Variants in ANKRD28 observed in about 807,000 individuals in gnomAD.
The protein encoded by ANKRD28 is serine/threonine-protein phosphatase 6 regulatory ankyrin repeat subunit A.
A neutral mutation model predicts 126.5 loss-of-function variants in ANKRD28; 44 were observed. That is an observed-to-expected ratio of 0.35 (90% CI 0.27 to 0.45). ANKRD28 has a LOEUF of 0.45. ANKRD28 is among the 20% of genes least tolerant of loss of function. ANKRD28 has a pLI of 1.00. For synonymous variants in ANKRD28, 442 were observed against 468.5 expected (o/e 0.94, Z 0.73); for missense variants, 1,110 against 1,316.6 (o/e 0.84, Z 2.43).
chr3:15,850,224 T>TATATATATATATATATATAAAG (rs1418223588), intron 1 of ANKRD28, among the ~76,000 whole-genome samples: 1 of 35,112 alleles, frequency 2.8e-5, no homozygotes, highest in Non-Finnish European at 6.0e-5. Flanking sequence ...TATATATATA[T>TATATATATATATATATATAAAG]AGAGAGAGAG....
upstream of ANKRD28, among the ~76,000 whole-genome samples, chr3:15,800,762 G>A (rs1346056877): frequency 1.3e-5 from 2 of 152,008 alleles, no homozygotes; most frequent in East Asian, 3.9e-4. Context: ...ACAGTTTAGG[G>A]ACTGTAAAAT....
chr3:15,741,861 C>T (rs1473509636), intron 4 of ANKRD28, among the ~76,000 whole-genome samples: 8 of 151,932 alleles, frequency 5.3e-5, no homozygotes, highest in Admixed American at 1.3e-4. Context: ...CTCAGCCTGC[C>T]GAGTGCCTGC....
At chr3:15,801,141 T>C (rs1307031213), upstream of ANKRD28, among the ~76,000 whole-genome samples, 6 of 152,144 alleles carry the variant, frequency 3.9e-5, no homozygotes, top group East Asian at 1.2e-3. This position sits in a 1 kb window ranked among gnomAD's most constrained non-coding sequence, Gnocchi z 4.9. Context: ...AGCTAACAAG[T>C]TCAACTCTGA....
Position 15,796,793 on chromosome 3 carries a change from CAAT to C in ANKRD28, c.-275_-273del. The C allele has an allele frequency of 2.0e-6, 2 of 991,420 alleles. No homozygotes were observed. The highest frequency in any genetic ancestry group is 2.4e-6 in the Non-Finnish European group (2 of 833,292). 61.4% of individuals were successfully genotyped at this position (991,420 alleles called of 1,614,324 possible). On this transcript the variant is annotated 5_prime_UTR_variant, in exon 1 of 28. Transcript: ENST00000683139. ...AAGAAGAAATTTCACACCAACATGT[CAAT>C]AACTAAAACTGAGTCCAAGCTCATT...
intron 8 of ANKRD28, among the ~76,000 whole-genome samples, chr3:15,720,300 A>C (rs927376274): frequency 6.6e-6 from 1 of 152,176 alleles, no homozygotes; most frequent in Non-Finnish European, 1.5e-5. Context: ...ATTTGAAAAG[A>C]TCTGTAGAGT....
chr3:15,841,113 T>G (rs1217368861), intron 1 of ANKRD28, among the ~76,000 whole-genome samples: 1 of 152,062 alleles, frequency 6.6e-6, no homozygotes. Flanking sequence ...CACTCCAGCC[T>G]AGGCAACAGA....
intron 1 of ANKRD28, among the ~76,000 whole-genome samples, chr3:15,841,630 A>G (rs889334322): frequency 2.6e-5 from 4 of 152,242 alleles, no homozygotes; most frequent in Non-Finnish European, 5.9e-5. Flanking sequence ...AAAGATCTGA[A>G]TAGGCATTTC....
At chr3:15,792,969 C>G (rs2060104390) in intron 2 of ANKRD28, among the ~76,000 whole-genome samples, 1 of 152,034 alleles carries the variant, frequency 6.6e-6, no homozygotes, top group Admixed American at 6.5e-5. Context: ...AGAAACTCAT[C>G]TAAAATTATA....
At chr3:15,827,320 C>T (rs943100855) in intron 1 of ANKRD28, among the ~76,000 whole-genome samples, 1 of 152,066 alleles carries the variant, frequency 6.6e-6, no homozygotes, top group African/African-American at 2.4e-5. Flanking sequence ...TGCACTCACA[C>T]TTTCATTACA....
rs543632257 is a variant in ANKRD28, at chr3:15,735,608, T to C, written c.553-111A>G. On this transcript the variant is annotated intron_variant, in intron 5 of 27. Transcript: ENST00000683139. ...CTTCTCTGGCACTAAATTTCTGCAG[T>C]TGCTGAACAGAAGGAGCTAGACTAA... 10 of 752,638 alleles carry C rather than the reference T, an allele frequency of 1.3e-5. No individual in the cohort carries two copies. In the South Asian group the frequency reaches 1.4e-4, roughly 11 times the overall value. The allele number at this position is 752,638 out of a possible 1,614,324, so 46.6% of individuals were successfully genotyped here. A position where few individuals can be genotyped will look rare whatever the true frequency, so the allele number is the denominator to read the frequency against.
At chr3:15,689,912 AAAG>A in intron 18 of ANKRD28, 104 bp downstream of exon 18, 1 of 1,095,742 alleles carries the variant, frequency 9.1e-7, no homozygotes, top group Non-Finnish European at 1.3e-6. Flanking sequence ...TGAAAAAAAA[AAAG>A]GTCAAAATTT....
Position 15,669,447 on chromosome 3 carries a change from T to C in ANKRD28, c.*823A>G, listed in dbSNP as rs1319200161. 4 of 152,210 alleles carry C rather than the reference T, an allele frequency of 2.6e-5. No individual in the cohort carries two copies. The highest frequency in any genetic ancestry group is 2.6e-4 in the Admixed American group (4 of 15,276). 9.4% of individuals were successfully genotyped at this position (152,210 alleles called of 1,614,324 possible). On this transcript the variant is annotated 3_prime_UTR_variant, in exon 28 of 28. Coordinates refer to ENST00000683139, the MANE Select transcript of ANKRD28 (RefSeq NM_001349278.2). ...TTACATTTTCAAACAAAAATAGTAC[T>C]ATTTTAAACCCAAACCATTCAAAAC... is the stretch of plus-strand genomic sequence containing the variant.
At chr3:15,837,764 A>C (rs1342191403) in intron 1 of ANKRD28, among the ~76,000 whole-genome samples, 1 of 152,058 alleles carries the variant, frequency 6.6e-6, no homozygotes, top group African/African-American at 2.4e-5. Flanking sequence ...CACAAGTAGC[A>C]GGGGAAAAAA....
chr3:15,688,268 A>T (rs1453392192), intron 18 of ANKRD28, among the ~76,000 whole-genome samples: 1 of 152,216 alleles, frequency 6.6e-6, no homozygotes, highest in East Asian at 1.9e-4. Context: ...TTTTTCACAG[A>T]TCCCATCCAG....
At chr3:15,847,022 T>TA (rs1245063021) in intron 1 of ANKRD28, among the ~76,000 whole-genome samples, 2 of 152,180 alleles carry the variant, frequency 1.3e-5, no homozygotes, top group African/African-American at 4.8e-5. Flanking sequence ...AACAGCAAGC[T>TA]AGTCTTTACC....
intron 4 of ANKRD28, among the ~76,000 whole-genome samples, chr3:15,738,341 G>A (rs1355904370): frequency 2.0e-5 from 3 of 152,258 alleles, no homozygotes; most frequent in East Asian, 3.9e-4. Flanking sequence ...TTTTCAAAAG[G>A]GGAGGGAGTG....
intron 2 of ANKRD28, among the ~76,000 whole-genome samples, chr3:15,778,268 A>T (rs1470259546): frequency 3.3e-5 from 5 of 152,268 alleles, no homozygotes; most frequent in South Asian, 2.1e-4. Flanking sequence ...TAGCTATTTT[A>T]AAAAAGTGCA....
intron 1 of ANKRD28, among the ~76,000 whole-genome samples, chr3:15,841,906 A>T (rs555770735): frequency 6.6e-6 from 1 of 152,168 alleles, no homozygotes; most frequent in African/African-American, 2.4e-5. Context: ...TAGCACTACC[A>T]TATGATCCAG....
intron 27 of ANKRD28, among the ~76,000 whole-genome samples, chr3:15,672,968 G>T (rs1294268704): frequency 6.6e-6 from 1 of 152,192 alleles, no homozygotes; most frequent in Non-Finnish European, 1.5e-5. Flanking sequence ...TAGAGACGGG[G>T]TTTTGCCATG....
Sources: gnomAD v4.1 joint callset for allele counts (sites outside exome capture counted in the v4.1 genomes callset) on GRCh38, gnomAD v4.1.1 for gene constraint, Gnocchi (gnomAD v3.1) non-coding constraint, MANE v1.5 for transcripts, NCBI Gene and HGNC (gene_info 2026-07-23, HGNC 2026-07-21) for gene names.